Variants in ZNF560 observed in about 807,000 individuals in gnomAD.
The protein encoded by ZNF560 is zinc finger protein 560.
Under a neutral mutation model 81.8 loss-of-function variants are expected in ZNF560, and 54 were observed. The ratio of observed to expected loss-of-function variants is 0.66; its 90% CI spans 0.53 to 0.83. The LOEUF (loss-of-function observed/expected upper bound fraction) is 0.83, where lower values mean the gene tolerates loss of function less well. Ranked by LOEUF, ZNF560 falls within the 40% of genes least tolerant of loss-of-function variation. The pLI, the probability that ZNF560 is intolerant of heterozygous loss-of-function variation, is 0.00. For missense variants in ZNF560, 940 were observed against 932.4 expected (o/e 1.01, Z -0.11); for synonymous variants, 321 against 317.9 (o/e 1.01, Z -0.10).
At chr19:9,447,212 T>A in the ZNF560 span, among the ~76,000 whole-genome samples, 3 of 150,184 alleles carry the variant, frequency 2.0e-5, no homozygotes, top group African/African-American at 4.9e-5. Flanking sequence ...TCTACAGCCA[T>A]AACAAAATTA....
chr19:9,473,497 GA>G (rs1276765474), intron 4 of ZNF560, among the ~76,000 whole-genome samples: 2 of 151,788 alleles, frequency 1.3e-5, no homozygotes, highest in African/African-American at 4.8e-5. Flanking sequence ...AGAATTGCTT[GA>G]ACCCAGGAGG....
At chr19:9,453,305 T>A in the ZNF560 span, among the ~76,000 whole-genome samples, 2 of 152,364 alleles carry the variant, frequency 1.3e-5, no homozygotes, top group Admixed American at 1.3e-4. Flanking sequence ...TAATTTCTGT[T>A]GCTTAAGCCA....
chr19:9,467,232 T>C lies in ZNF560; in HGVS notation c.1715A>G (p.Tyr572Cys), dbSNP rs1370591448. Residue 572 changes from tyrosine to cysteine, a missense_variant, in exon 10 of 10, where the codon TAT becomes TGT. Physicochemically the swap from Tyr to Cys is radical, Grantham distance 194 (BLOSUM62 -2). Coordinates refer to ENST00000301480, the MANE Select transcript of ZNF560 (RefSeq NM_152476.3). ...HLRTHAGEKPYECMKCGKAFT... is the reference protein window; with the variant it reads ...HLRTHAGEKPCECMKCGKAFT... Reference sequence around the variant, plus strand: ...GGCTTTCCCACATTTCATACATTCATAGGGTTTCTCTCCAGCGTGTGTTCG... The same window carrying C: ...GGCTTTCCCACATTTCATACATTCACAGGGTTTCTCTCCAGCGTGTGTTCG... 4 of 1,614,046 alleles carry C rather than the reference T, an allele frequency of 2.5e-6. No homozygotes were observed. The highest frequency in any genetic ancestry group is 1.3e-5 in the African/African-American group (1 of 75,008).
At chr19:9,494,484 C>T (rs1478871796) in intron 2 of ZNF560, among the ~76,000 whole-genome samples, 1 of 152,186 alleles carries the variant, frequency 6.6e-6, no homozygotes, top group Admixed American at 6.5e-5. Flanking sequence ...CCTGTAATCC[C>T]AGCACTTTGG....
At chr19:9,466,327 CAG>C (rs2073013952), downstream of ZNF560, among the ~76,000 whole-genome samples, 1 of 148,128 alleles carries the variant, frequency 6.8e-6, no homozygotes, top group Middle Eastern at 3.4e-3. Flanking sequence ...GCCTAGGTGA[CAG>C]AGTGAGACTC....
rs955959786 is a variant in ZNF560 at position 9,493,609 on chromosome 19, G to A, written c.-57+4519C>T. ...ACTCCTGACGTCAAGTGATCCACCC[G>A]CCTCCCAAAGTGCCGGGATTACAGG... On this transcript the variant is annotated intron_variant, in intron 2 of 9. Coordinates refer to ENST00000301480, the MANE Select transcript of ZNF560 (RefSeq NM_152476.3). Among the ~76,000 whole-genome samples, 6 of 151,904 alleles carry A rather than the reference G, an allele frequency of 3.9e-5. No homozygotes were observed. The East Asian group carries it at 5.8e-4, about 15-fold the overall frequency.
At chr19:9,504,541 T>C in the ZNF560 span, among the ~76,000 whole-genome samples, 1 of 152,236 alleles carries the variant, frequency 6.6e-6, no homozygotes, top group African/African-American at 2.4e-5. Context: ...ATGTGTGTTC[T>C]CATGATATCA....
chr19:9,489,002 A>T (rs2073428216), intron 2 of ZNF560, among the ~76,000 whole-genome samples: 1 of 152,174 alleles, frequency 6.6e-6, no homozygotes, highest in African/African-American at 2.4e-5. Context: ...TTCTGCCATG[A>T]CTGGAAGCTT....
chr19:9,468,849 C>T (rs2073077393), intron 9 of ZNF560, among the ~76,000 whole-genome samples: 1 of 151,824 alleles, frequency 6.6e-6, no homozygotes, highest in Non-Finnish European at 1.5e-5. Context: ...TCTGCCTCAG[C>T]CTCACAAGTA....
rs757731020 is a variant in ZNF560, at chr19:9,469,092, T to C, written c.612+13A>G. ...GAATGTGAAAAATAAGAAAGTTCTT[T>C]TGTTAATCTTACCAACTGTATCCCA... On this transcript the variant is annotated intron_variant, in intron 9 of 9. Transcript: ENST00000301480. The C allele has an allele frequency of 2.6e-6, 4 of 1,562,334 alleles. No homozygotes were observed. The highest frequency in any genetic ancestry group is 4.6e-5 in the East Asian group (2 of 43,926).
At chr19:9,452,091 T>G in the ZNF560 span, among the ~76,000 whole-genome samples, 5 of 147,472 alleles carry the variant, frequency 3.4e-5, no homozygotes, top group African/African-American at 7.4e-5. Flanking sequence ...AAAAAAAAAG[T>G]GGGGGGCAGG....
At chr19:9,505,839 T>C in the ZNF560 span, among the ~76,000 whole-genome samples, 1 of 152,136 alleles carries the variant, frequency 6.6e-6, no homozygotes, top group African/African-American at 2.4e-5. Context: ...AATTTTTGTA[T>C]TTTTAGTAGA....
chr19:9,453,803 T>C, the ZNF560 span, among the ~76,000 whole-genome samples: 2 of 152,198 alleles, frequency 1.3e-5, no homozygotes, highest in African/African-American at 2.4e-5. Context: ...TTGTGACTGA[T>C]AATACTTGTA....
At chr19:9,496,324 C>T (rs1482742496) in intron 2 of ZNF560, among the ~76,000 whole-genome samples, 1 of 151,208 alleles carries the variant, frequency 6.6e-6, no homozygotes, top group Non-Finnish European at 1.5e-5. Context: ...CCACCCTGGG[C>T]GACAAAATGA....
the ZNF560 span, among the ~76,000 whole-genome samples, chr19:9,460,276 A>T: frequency 6.6e-6 from 1 of 152,308 alleles, no homozygotes; most frequent in East Asian, 1.9e-4. Flanking sequence ...CTACCTGGGG[A>T]CAGATCAAGA....
chr19:9,479,539 T>C (rs905411413), intron 2 of ZNF560, among the ~76,000 whole-genome samples: 1 of 151,942 alleles, frequency 6.6e-6, no homozygotes, highest in African/African-American at 2.4e-5. Context: ...TACCAATCAA[T>C]AAGATAGAAT....
chr19:9,469,466 T>G lies in ZNF560; in HGVS notation c.529+164A>C, dbSNP rs139818636. Among the ~76,000 whole-genome samples, 359 of 152,328 alleles carry G rather than the reference T, an allele frequency of 2.4e-3. 6 individuals are homozygous for G. The highest frequency in any genetic ancestry group is 0.018 in the Admixed American group (280 of 15,304). ...TCATTTGTTAGGTAATAGGGAAGTC[T>G]GGATAGATGCAAAGCAATGGAGGAT... On this transcript the variant is annotated intron_variant, in intron 8 of 9. Coordinates refer to ENST00000301480, the MANE Select transcript of ZNF560 (RefSeq NM_152476.3).
At chr19:9,452,817 G>T in the ZNF560 span, among the ~76,000 whole-genome samples, 1 of 152,122 alleles carries the variant, frequency 6.6e-6, no homozygotes, top group Non-Finnish European at 1.5e-5. Flanking sequence ...TTACCACTTG[G>T]GTGATGGATC....
In ZNF560 at chr19:9,470,448, T is replaced by A; in HGVS notation, c.392A>T (p.Gln131Leu). The change falls in exon 7 of 10, where the codon CAG becomes CTG. Residue 131 changes from glutamine to leucine, a missense_variant. Physicochemically the swap from Gln to Leu is moderately radical, Grantham distance 113. Coordinates refer to ENST00000301480, the MANE Select transcript of ZNF560 (RefSeq NM_152476.3). ...CATCACATCACTGTACAGGTTTCTC[T>A]GAGCTGGGTCCAGTAAAGTCCACTC... ...QEEWTLLDPAQRNLYSDVMLE... is the reference protein window; with the variant it reads ...QEEWTLLDPALRNLYSDVMLE... The A allele has an allele frequency of 6.2e-7, 1 of 1,614,132 alleles. No individual in the cohort carries two copies. The highest frequency in any genetic ancestry group is 8.5e-7 in the Non-Finnish European group (1 of 1,179,998).
Sources: allele counts gnomAD v4.1 joint callset (sites outside exome capture counted in the v4.1 genomes callset), GRCh38; gene constraint gnomAD v4.1.1; transcripts MANE v1.5; gene names NCBI Gene and HGNC (gene_info 2026-07-23, HGNC 2026-07-21).